BCO1: variants seen among roughly 807,000 people sequenced by gnomAD.
BCO1 encodes the protein beta-carotene oxygenase 1.
Under a neutral mutation model 56.3 loss-of-function variants are expected in BCO1, and 54 were observed. The observed-to-expected ratio is 0.96, with a 90% CI of 0.77 to 1.20. The LOEUF (loss-of-function observed/expected upper bound fraction) is 1.20. BCO1 is among the 50% of genes most tolerant of loss of function. The pLI is 0.00. For synonymous variants in BCO1, 318 were observed against 266.1 expected (o/e 1.20, Z -1.90); for missense variants, 801 against 690.9 (o/e 1.16, Z -1.79).
At chr16:81,274,709 C>A (rs974153803) in intron 7 of BCO1, among the ~76,000 whole-genome samples, 3 of 152,178 alleles carry the variant, frequency 2.0e-5, no homozygotes, top group African/African-American at 7.2e-5. Flanking sequence ...GAAACCCTGT[C>A]TCTGCTAAAA....
chr16:81,280,968 A>G lies in BCO1; in HGVS notation c.1207+6A>G, dbSNP rs764247557. On this transcript the variant is annotated splice_donor_region_variant and intron_variant, in intron 8 of 10. Transcript: ENST00000258168. ...GCCGGAATTTCTTTATGAAGGTAAA[A>G]TGCATCCTCTTGTCCTGAGTTTAGG... 2 of 1,602,454 alleles carry G rather than the reference A, an allele frequency of 1.2e-6. No homozygotes were observed. Among genetic ancestry groups the G allele is most frequent in the Non-Finnish European group, 1.7e-6 (2 of 1,169,402 alleles).
At chr16:81,244,333 G>C (rs1413496553) in intron 1 of BCO1, among the ~76,000 whole-genome samples, 2 of 152,232 alleles carry the variant, frequency 1.3e-5, no homozygotes, top group African/African-American at 4.8e-5. Context: ...AAAAGAAGCA[G>C]GTGAAATTAT....
At chr16:81,242,922 G>C (rs974092873) in intron 1 of BCO1, among the ~76,000 whole-genome samples, 2 of 152,036 alleles carry the variant, frequency 1.3e-5, no homozygotes, top group African/African-American at 4.8e-5. Context: ...TAGGTTGTGC[G>C]CTCCTTATAA....
chr16:81,269,389 C>T (rs1006651838), intron 6 of BCO1, among the ~76,000 whole-genome samples: 12 of 151,878 alleles, frequency 7.9e-5, no homozygotes, highest in African/African-American at 2.7e-4. Flanking sequence ...CCTCCGCCTA[C>T]GTATCAAGCT....
intron 10 of BCO1, 112 bp downstream of exon 10, chr16:81,287,518 G>A: frequency 1.2e-6 from 1 of 828,494 alleles, no homozygotes; most frequent in Non-Finnish European, 2.1e-6. Flanking sequence ...GGGGTGGATT[G>A]GTGCTTTGAA....
intron 8 of BCO1, among the ~76,000 whole-genome samples, chr16:81,284,234 A>T (rs1425625407): frequency 2.6e-5 from 3 of 114,392 alleles, no homozygotes; most frequent in African/African-American, 9.9e-5. Flanking sequence ...ATATATTTTT[A>T]TATATTTATA....
intron 7 of BCO1, among the ~76,000 whole-genome samples, chr16:81,275,349 C>T (rs1215282738): frequency 2.0e-5 from 3 of 152,232 alleles, no homozygotes; most frequent in South Asian, 2.1e-4. Flanking sequence ...CCGCCCAGAC[C>T]GGGGAAGCCC....
At chr16:81,273,037 T>C (rs1907332770) in intron 7 of BCO1, among the ~76,000 whole-genome samples, 1 of 152,132 alleles carries the variant, frequency 6.6e-6, no homozygotes, top group African/African-American at 2.4e-5. Context: ...TGGTTTAATC[T>C]CGGCTCACTG....
At chr16:81,245,429 G>T (rs368004774) in intron 1 of BCO1, 46 bp from the exon 2 acceptor site, 338 of 1,614,032 alleles carry the variant, frequency 2.1e-4, no homozygotes, top group Middle Eastern at 6.6e-4. Flanking sequence ...CCAGCATTTT[G>T]GTTTGCAGGT....
chr16:81,247,690 C>G (rs1905506256), intron 2 of BCO1, among the ~76,000 whole-genome samples: 2 of 151,832 alleles, frequency 1.3e-5, no homozygotes. Flanking sequence ...CCATACTCAG[C>G]TAATTTTGTA....
chr16:81,287,468 G>A (rs1441886919), intron 10 of BCO1, 62 bp downstream of exon 10: 1 of 1,339,556 alleles, frequency 7.5e-7, no homozygotes, highest in African/African-American at 1.4e-5. Flanking sequence ...CTCCAACAGA[G>A]ACACCATCTG....
At chr16:81,249,643 C>T (rs1355638550) in intron 2 of BCO1, among the ~76,000 whole-genome samples, 3 of 151,994 alleles carry the variant, frequency 2.0e-5, no homozygotes, top group South Asian at 2.1e-4. Context: ...TCAGGTGATT[C>T]ACCAGCATGG....
intron 7 of BCO1, among the ~76,000 whole-genome samples, chr16:81,275,300 C>G (rs1907486125): frequency 6.6e-6 from 1 of 152,236 alleles, no homozygotes; most frequent in South Asian, 2.1e-4. Flanking sequence ...TTGGGATCCC[C>G]TGGAGAGCCC....
chr16:81,259,059 C>A (rs755276784), intron 2 of BCO1, among the ~76,000 whole-genome samples: 3 of 152,198 alleles, frequency 2.0e-5, no homozygotes, highest in Non-Finnish European at 4.4e-5. Flanking sequence ...CCACCCCCAT[C>A]ACCCAGACAC....
intron 3 of BCO1, 79 bp from the exon 4 acceptor site, chr16:81,262,057 A>G: frequency 6.5e-7 from 1 of 1,543,152 alleles, no homozygotes; most frequent in Non-Finnish European, 8.9e-7. Context: ...AGTGGTAGGA[A>G]AACTAAAGCC....
At chr16:81,287,179 A>T in intron 9 of BCO1, 116 bp from the exon 10 acceptor site, 1 of 823,872 alleles carries the variant, frequency 1.2e-6, no homozygotes, top group Non-Finnish European at 2.1e-6. Flanking sequence ...CTACGTCAAA[A>T]GTCTACATCC....
chr16:81,248,050 C>G (rs1905528915), intron 2 of BCO1, among the ~76,000 whole-genome samples: 1 of 152,044 alleles, frequency 6.6e-6, no homozygotes, highest in Non-Finnish European at 1.5e-5. Context: ...AATGTGTAAA[C>G]AGCTCTGTAT....
intron 1 of BCO1, among the ~76,000 whole-genome samples, chr16:81,244,058 T>C (rs1905258175): frequency 6.6e-6 from 1 of 152,344 alleles, no homozygotes; most frequent in Middle Eastern, 3.4e-3. Flanking sequence ...TCCAGGGGCA[T>C]TACCTATCCG....
chr16:81,244,805 G>T (rs1193464547), intron 1 of BCO1, among the ~76,000 whole-genome samples: 1 of 149,926 alleles, frequency 6.7e-6, no homozygotes, highest in Non-Finnish European at 1.5e-5. Flanking sequence ...CTGCAGCCTG[G>T]AGCTCCCAGG....
Sources: allele counts gnomAD v4.1 joint callset (sites outside exome capture counted in the v4.1 genomes callset), GRCh38; gene constraint gnomAD v4.1.1; transcripts MANE v1.5; gene names NCBI Gene and HGNC (gene_info 2026-07-23, HGNC 2026-07-21).